NID1: variants seen among roughly 807,000 people sequenced by gnomAD.
NID1 encodes nidogen-1.
NID1 carries 76 observed loss-of-function variants against 130.6 expected under a neutral mutation model. That is an observed-to-expected ratio of 0.58 (90% CI 0.48 to 0.70). The LOEUF (loss-of-function observed/expected upper bound fraction) is 0.70, where lower values mean the gene tolerates loss of function less well. NID1 is among the 30% of genes least tolerant of loss of function. NID1 has a pLI of 0.00. For synonymous variants in NID1, 665 were observed against 675.1 expected, an observed-to-expected ratio of 0.98 and a Z score of 0.23; for missense variants, 1,517 against 1,664.8, an observed-to-expected ratio of 0.91 and a Z score of 1.54.
chr1:235,980,347 T>C, intron 17 of NID1, 149 bp downstream of exon 17: 1 of 747,312 alleles, frequency 1.3e-6, no homozygotes, highest in Admixed American at 3.0e-5. Context: ...ATATATTTAA[T>C]GTACCAGATA....
rs563343044 is a variant in NID1 at position 236,042,093 on chromosome 1, G to A, written c.952C>T (p.Leu318=). ...VGTTPFSYKA[L]RRGGADTYSV... ...TATGTGTCAGCACCTCCCCTTCTCA[G>A]AGCCTTGTAGGAGAAGGGCGTGGTG... Residue 318 remains leucine (L), a synonymous_variant, in exon 4 of 20, where the codon CTG becomes TTG. Transcript: ENST00000264187. 1.9e-6 allele frequency: 3 copies of A among 1,614,148 alleles called. No homozygotes were observed. Among genetic ancestry groups the A allele is most frequent in the Middle Eastern group, 1.6e-4 (1 of 6,062 alleles).
intron 1 of NID1, among the ~76,000 whole-genome samples, chr1:236,064,202 G>A (rs1210885534): frequency 1.3e-5 from 2 of 152,204 alleles, no homozygotes; most frequent in Non-Finnish European, 2.9e-5. Context: ...GGAGCTGTAG[G>A]TCATCTGGTC....
At chr1:236,017,062 T>G in intron 10 of NID1, 86 bp downstream of exon 10, 1 of 1,575,618 alleles carries the variant, frequency 6.3e-7, no homozygotes. Flanking sequence ...TTGACCAGAC[T>G]CATTTTACCT....
At chr1:236,001,697 G>A (rs948768521) in intron 12 of NID1, among the ~76,000 whole-genome samples, 7 of 152,162 alleles carry the variant, frequency 4.6e-5, no homozygotes, top group African/African-American at 1.2e-4. Context: ...AGAGGAAGAC[G>A]AATGGCCAGG....
chr1:236,038,803 ATATATATTACCTATGTTATATAGGT>A lies in NID1; in HGVS notation c.1136-575_1136-551del, dbSNP rs1318813941. ...ACCTATGCTATATAGGTCATATATA[ATATATATTACCTATGTTATATAGGT>A]CATATATAATAAATATTACCTATGT... On this transcript the variant is annotated intron_variant, in intron 4 of 19. Transcript: ENST00000264187. 1.1e-4 allele frequency among the ~76,000 whole-genome samples: 13 copies of A among 120,278 alleles called. 1 individual carries two copies. The highest frequency in any genetic ancestry group is 3.1e-4 in the African/African-American group (9 of 28,916). The allele number at this position is 120,278 out of a possible 152,430, so 78.9% of individuals were successfully genotyped here. A position where few individuals can be genotyped will look rare whatever the true frequency, so the allele number is the denominator to read the frequency against.
intron 12 of NID1, among the ~76,000 whole-genome samples, chr1:236,001,250 C>T (rs1045618605): frequency 3.3e-5 from 5 of 152,018 alleles, no homozygotes; most frequent in African/African-American, 9.7e-5. Flanking sequence ...GGATTACAGG[C>T]GCCTGCCACT....
At chr1:236,003,209 A>G (rs1658138387) in intron 12 of NID1, among the ~76,000 whole-genome samples, 1 of 107,556 alleles carries the variant, frequency 9.3e-6, no homozygotes, top group Non-Finnish European at 1.8e-5. Context: ...CTCCTAGTGA[A>G]CGACCGGTAG....
At chr1:236,060,360 C>T (rs987877238) in intron 1 of NID1, among the ~76,000 whole-genome samples, 3 of 152,040 alleles carry the variant, frequency 2.0e-5, no homozygotes, top group Admixed American at 6.6e-5. Flanking sequence ...TAGGTTTGGC[C>T]GGCTTCTTTA....
In NID1 at chr1:236,041,999, C is replaced by T; in HGVS notation, c.1046G>A (p.Arg349Lys). Residue 349 changes from arginine (R) to lysine (K), a missense_variant, in exon 4 of 20, where the codon AGA becomes AAA. Around this residue, in one of 3 missense-constraint regions of NID1, gnomAD observed 1,329 missense variants for 1,429.2 expected, o/e 0.93. Coordinates refer to ENST00000264187, the MANE Select transcript of NID1 (RefSeq NM_002508.3). ...CACTGCCAACTGGAAAGACCTGGTT[C>T]TCTCTGTGGGAGGTCCAAGGGGCCT... ...TERPLGPPTE[R>K]TRSFQLAVET... The T allele has an allele frequency of 6.2e-7, 1 of 1,614,222 alleles. No homozygotes were observed. The highest frequency in any genetic ancestry group is 8.5e-7 in the Non-Finnish European group (1 of 1,180,042).
At chr1:236,051,529 C>T (rs186427267) in intron 1 of NID1, among the ~76,000 whole-genome samples, 2 of 152,298 alleles carry the variant, frequency 1.3e-5, no homozygotes, top group Admixed American at 1.3e-4. Context: ...GGGCTATTAA[C>T]TCTTTGGGTG....
chr1:236,053,033 A>G (rs1466937668), intron 1 of NID1, among the ~76,000 whole-genome samples: 3 of 152,204 alleles, frequency 2.0e-5, no homozygotes, highest in Non-Finnish European at 4.4e-5. Flanking sequence ...CGGATTTGTG[A>G]TTGTTTGTTT....
intron 5 of NID1, among the ~76,000 whole-genome samples, chr1:236,036,636 T>C (rs746414092): frequency 2.0e-5 from 3 of 152,192 alleles, no homozygotes; most frequent in Non-Finnish European, 4.4e-5. Flanking sequence ...CATTTAGAAA[T>C]GGGGCCTTTC....
intron 12 of NID1, among the ~76,000 whole-genome samples, chr1:235,997,157 G>GA (rs1657952001): frequency 6.6e-6 from 1 of 151,972 alleles, no homozygotes; most frequent in Non-Finnish European, 1.5e-5. Context: ...TTTTTGATGA[G>GA]TAGAAGATTG....
At chr1:236,059,970 T>G (rs1659996067) in intron 1 of NID1, among the ~76,000 whole-genome samples, 1 of 151,952 alleles carries the variant, frequency 6.6e-6, no homozygotes, top group Non-Finnish European at 1.5e-5. Context: ...CGTGTTGGCA[T>G]GTGCCTGTAG....
intron 6 of NID1, among the ~76,000 whole-genome samples, chr1:236,031,286 T>C (rs566662348): frequency 6.9e-5 from 10 of 145,216 alleles, no homozygotes; most frequent in East Asian, 5.8e-4. Flanking sequence ...ACCTGGCTAA[T>C]TTTTTGTATT....
At chr1:235,997,460 T>C (rs753845030) in intron 12 of NID1, among the ~76,000 whole-genome samples, 1 of 152,182 alleles carries the variant, frequency 6.6e-6, no homozygotes, top group African/African-American at 2.4e-5. Flanking sequence ...TTTGTATATA[T>C]GTTTACACAT....
chr1:236,064,749 C>A, intron 1 of NID1, 106 bp downstream of exon 1: 1 of 1,030,660 alleles, frequency 9.7e-7, no homozygotes, highest in Non-Finnish European at 1.4e-6. Flanking sequence ...CGGCGGCCAG[C>A]GGGTCCGGGT....
At chr1:236,046,569 C>T (rs145866503) in intron 2 of NID1, among the ~76,000 whole-genome samples, 45 of 151,788 alleles carry the variant, frequency 3.0e-4, no homozygotes, top group African/African-American at 1.1e-3. Flanking sequence ...AGAGGACGTC[C>T]CAAACAGAGA....
chr1:235,989,574 C>T (rs1490468067), intron 14 of NID1, among the ~76,000 whole-genome samples: 1 of 152,220 alleles, frequency 6.6e-6, no homozygotes, highest in East Asian at 1.9e-4. Context: ...CAGTTCCTGT[C>T]TTGTGGTGCT....
Sources: gnomAD v4.1 joint callset for allele counts (sites outside exome capture counted in the v4.1 genomes callset) on GRCh38, gnomAD v4.1.1 for gene constraint, gnomAD v4.1.1 regional missense constraint, MANE v1.5 for transcripts, NCBI Gene and HGNC (gene_info 2026-07-23, HGNC 2026-07-21) for gene names.